Variants in TMEM232 observed in about 807,000 individuals in gnomAD.
TMEM232 encodes the protein transmembrane protein 232.
In TMEM232, 80 loss-of-function variants were observed where a neutral mutation model predicts 78.8. The ratio of observed to expected loss-of-function variants is 1.01; its 90% CI spans 0.85 to 1.22. The LOEUF (loss-of-function observed/expected upper bound fraction) is 1.22. Among genes scored for constraint, TMEM232 ranks in the 50% most tolerant of loss-of-function variants. The pLI, the probability that TMEM232 is intolerant of heterozygous loss-of-function variation, is 0.00. For synonymous variants in TMEM232, 297 were observed against 254.3 expected (o/e 1.17, Z -1.60); for missense variants, 881 against 742.2 (o/e 1.19, Z -2.17).
At chr5:110,390,496 T>C (rs910970230) in exon 4 of TMEM232, 3 of 152,206 alleles carry the variant, frequency 2.0e-5, no homozygotes, top group African/African-American at 7.2e-5. Flanking sequence ...CATCAGAGGC[T>C]ATTGATCTCT....
intron 12 of TMEM232, among the ~76,000 whole-genome samples, chr5:110,471,397 G>C (rs1433796951): frequency 2.6e-5 from 4 of 152,076 alleles, no homozygotes; most frequent in African/African-American, 9.6e-5. Flanking sequence ...AATCCAGATA[G>C]ATGAAGCTCA....
At chr5:110,734,365 T>C (rs1455669896) in intron 2 of TMEM232, among the ~76,000 whole-genome samples, 1 of 152,182 alleles carries the variant, frequency 6.6e-6, no homozygotes, top group African/African-American at 2.4e-5. Context: ...GCAAGCCAAC[T>C]GAGCAAAGCC....
At chr5:110,536,021 G>A (rs183839332) in intron 11 of TMEM232, among the ~76,000 whole-genome samples, 4 of 152,330 alleles carry the variant, frequency 2.6e-5, no homozygotes, top group African/African-American at 2.4e-5. Flanking sequence ...CAGACTGATC[G>A]TGGGTTAAGT....
intron 2 of TMEM232, among the ~76,000 whole-genome samples, chr5:110,410,510 C>T (rs1449573216): frequency 6.6e-6 from 1 of 152,128 alleles, no homozygotes; most frequent in Non-Finnish European, 1.5e-5. Context: ...TTTTCCTAAG[C>T]CACACTCAAT....
At chr5:110,498,306 C>T (rs1335540225) in intron 12 of TMEM232, among the ~76,000 whole-genome samples, 1 of 152,008 alleles carries the variant, frequency 6.6e-6, no homozygotes, top group South Asian at 2.1e-4. Context: ...TGGAATTGAT[C>T]AAAATAAAAA....
At chr5:110,523,018 T>A (rs1769778280) in intron 12 of TMEM232, among the ~76,000 whole-genome samples, 2 of 152,188 alleles carry the variant, frequency 1.3e-5, no homozygotes, top group African/African-American at 2.4e-5. Context: ...GATTCACCAA[T>A]GAAGCTACTG....
intron 12 of TMEM232, among the ~76,000 whole-genome samples, chr5:110,444,687 T>G (rs1759456375): frequency 6.6e-6 from 1 of 152,204 alleles, no homozygotes; most frequent in Admixed American, 6.5e-5. Context: ...TACATAGCAT[T>G]GGATAACTAA....
chr5:110,508,998 GTATA>G (rs202045858), intron 12 of TMEM232, among the ~76,000 whole-genome samples: 2,844 of 123,462 alleles, frequency 0.023, 72 homozygotes, highest in African/African-American at 0.082. Flanking sequence ...GTGTATATAT[GTATA>G]TATATATGTA....
At chr5:110,522,698 A>AT (rs779485030) in intron 12 of TMEM232, among the ~76,000 whole-genome samples, 40 of 152,114 alleles carry the variant, frequency 2.6e-4, no homozygotes, top group South Asian at 8.3e-4. Context: ...CATTCTGTAA[A>AT]TGTAGTATAT....
chr5:110,645,201 AG>A (rs1787313903), intron 2 of TMEM232, among the ~76,000 whole-genome samples: 1 of 151,768 alleles, frequency 6.6e-6, no homozygotes, highest in South Asian at 2.1e-4. Context: ...AAATACAAGA[AG>A]GAACACTTCC....
chr5:110,721,951 G>A (rs1797690548), intron 1 of TMEM232, among the ~76,000 whole-genome samples: 1 of 151,656 alleles, frequency 6.6e-6, no homozygotes, highest in Admixed American at 6.6e-5. Flanking sequence ...CTGATAGTTA[G>A]AATCACTTCT....
intron 7 of TMEM232, among the ~76,000 whole-genome samples, 187 bp from the exon 8 acceptor site, chr5:110,618,749 G>A (rs767419113): frequency 1.6e-4 from 24 of 152,076 alleles, no homozygotes; most frequent in African/African-American, 2.4e-4. Context: ...CAGTTAACCC[G>A]AACCTAATGT....
chr5:110,616,204 G>A (rs924607415), intron 8 of TMEM232, among the ~76,000 whole-genome samples: 4 of 151,948 alleles, frequency 2.6e-5, no homozygotes, highest in African/African-American at 4.8e-5. Context: ...AAAACAGCAC[G>A]GCAATTGCAT....
chr5:110,550,797 T>C (rs560145131), intron 11 of TMEM232, among the ~76,000 whole-genome samples: 3 of 149,318 alleles, frequency 2.0e-5, no homozygotes, highest in African/African-American at 7.4e-5. Context: ...GAAACCCCAA[T>C]AAAAATCCAA....
chr5:110,620,923 C>A (rs898418935), intron 7 of TMEM232, among the ~76,000 whole-genome samples: 1 of 126,190 alleles, frequency 7.9e-6, no homozygotes. Context: ...AGTGTGATGG[C>A]GTGATCTTGG....
chr5:110,733,669 C>T (rs139221028), intron 2 of TMEM232, among the ~76,000 whole-genome samples: 1,844 of 152,060 alleles, frequency 0.012, 45 homozygotes, highest in African/African-American at 0.042. Flanking sequence ...CCAACAGACA[C>T]TGGGGCCTAC....
chr5:110,737,507 A>G (rs1015870807), intron 1 of TMEM232, among the ~76,000 whole-genome samples: 6 of 152,226 alleles, frequency 3.9e-5, no homozygotes, highest in African/African-American at 1.4e-4. Context: ...TTCAGAAATT[A>G]ATGAAAGCTA....
intron 3 of TMEM232, among the ~76,000 whole-genome samples, chr5:110,397,213 A>C (rs1355000857): frequency 6.6e-6 from 1 of 152,162 alleles, no homozygotes; most frequent in Non-Finnish European, 1.5e-5. Context: ...AGTCAACTTG[A>C]TTAAACTCTT....
At chr5:110,516,215 G>A (rs527822653) in intron 12 of TMEM232, among the ~76,000 whole-genome samples, 1 of 152,138 alleles carries the variant, frequency 6.6e-6, no homozygotes, top group African/African-American at 2.4e-5. Context: ...CTTCAGCCTG[G>A]GCAACAGAGG....
Sources: allele counts gnomAD v4.1 joint callset (sites outside exome capture counted in the v4.1 genomes callset), GRCh38; gene constraint gnomAD v4.1.1; transcripts MANE v1.5; gene names NCBI Gene and HGNC (gene_info 2026-07-23, HGNC 2026-07-21).